The following ZBTB44 variants were observed in gnomAD, a reference collection of about 807,000 sequenced individuals.
ZBTB44 encodes the protein zinc finger and BTB domain-containing protein 44.
ZBTB44 carries 15 observed loss-of-function variants against 54.0 expected under a neutral mutation model. The observed-to-expected ratio is 0.28, with a 90% CI of 0.19 to 0.43. ZBTB44 has a LOEUF of 0.43. Among genes scored for constraint, ZBTB44 ranks in the 20% least tolerant of loss-of-function variants. ZBTB44 has a pLI of 1.00. For synonymous variants in ZBTB44, 230 were observed against 250.1 expected, an observed-to-expected ratio of 0.92 and a Z score of 0.76; for missense variants, 487 against 707.1, an observed-to-expected ratio of 0.69 and a Z score of 3.53.
chr11:130,279,592 G>C (rs1420202062), intron 1 of ZBTB44, among the ~76,000 whole-genome samples: 1 of 152,178 alleles, frequency 6.6e-6, no homozygotes, highest in Non-Finnish European at 1.5e-5. Flanking sequence ...CCAGGAGGTG[G>C]AGGTTGCAGT....
At chr11:130,302,787 A>C (rs1396221935) in intron 1 of ZBTB44, among the ~76,000 whole-genome samples, 1 of 152,218 alleles carries the variant, frequency 6.6e-6, no homozygotes, top group African/African-American at 2.4e-5. Flanking sequence ...AGCCTGCCTG[A>C]CATGGTGAAA....
intron 2 of ZBTB44, among the ~76,000 whole-genome samples, chr11:130,244,667 G>GAAAAAAAAAAA (rs11360161): frequency 1.9e-5 from 2 of 104,794 alleles, no homozygotes; most frequent in South Asian, 6.1e-4. Flanking sequence ...ACTCTGTCTG[G>GAAAAAAAAAAA]AAAAAAAAAA....
At chr11:130,295,630 TAAA>T in intron 1 of ZBTB44, 2 of 769,294 alleles carry the variant, frequency 2.6e-6, no homozygotes, top group Middle Eastern at 4.1e-4. Flanking sequence ...ACTCTGAAGT[TAAA>T]AAAAAAAATG....
intron 1 of ZBTB44, chr11:130,297,032 C>T (rs1941694233): frequency 7.3e-6 from 5 of 685,038 alleles, no homozygotes; most frequent in Non-Finnish European, 1.3e-5. Flanking sequence ...AGAAATCATC[C>T]GATAGCAGGC....
intron 2 of ZBTB44, among the ~76,000 whole-genome samples, chr11:130,243,735 C>A (rs1265991199): frequency 6.6e-6 from 1 of 152,180 alleles, no homozygotes; most frequent in Non-Finnish European, 1.5e-5. Context: ...TATCTTCAAC[C>A]TTATTAGAAA....
chr11:130,265,186 G>A (rs1939160973), intron 1 of ZBTB44, among the ~76,000 whole-genome samples: 1 of 151,904 alleles, frequency 6.6e-6, no homozygotes, highest in Admixed American at 6.6e-5. Context: ...CCCTACGATG[G>A]CCTCTAAATG....
rs1415518180 is a variant in ZBTB44 at position 130,227,999 on chromosome 11, A to C, written c.*3765T>G. The C allele has an allele frequency of 2.0e-5, 3 of 152,188 alleles. No homozygotes were observed. Among genetic ancestry groups the C allele is most frequent in the Non-Finnish European group, 1.5e-5 (1 of 68,032 alleles). The allele number at this position is 152,188 out of a possible 1,614,324, so 9.4% of individuals were successfully genotyped here. ...AGTTCTTTCACAAATATATATATTT[A>C]AATATTAAAATAGGCTACCTAGGAT... On this transcript the variant is annotated 3_prime_UTR_variant, in exon 8 of 8. Transcript: ENST00000357899.
intron 1 of ZBTB44, among the ~76,000 whole-genome samples, chr11:130,280,921 A>G (rs1940453707): frequency 6.6e-6 from 1 of 152,174 alleles, no homozygotes; most frequent in African/African-American, 2.4e-5. Context: ...TGGGAATAGA[A>G]CTTGAGGGAA....
intron 7 of ZBTB44, chr11:130,232,422 C>T (rs917978017): frequency 1.3e-5 from 2 of 152,114 alleles, no homozygotes; most frequent in Admixed American, 6.5e-5. Context: ...GAAAAGTATA[C>T]CCAAGTCTAG....
intron 2 of ZBTB44, among the ~76,000 whole-genome samples, chr11:130,253,456 ACTC>A (rs1363041583): frequency 1.3e-5 from 2 of 152,140 alleles, no homozygotes; most frequent in East Asian, 3.9e-4. Flanking sequence ...TCATGAGTGA[ACTC>A]CTGTTCACAA....
Position 130,314,896 on chromosome 11 carries a change from C to A in ZBTB44, c.-578G>T, listed in dbSNP as rs528604673. 1 of 149,020 alleles carries A rather than the reference C, an allele frequency of 6.7e-6. No homozygotes were observed. The allele number at this position is 149,020 out of a possible 1,614,324, so 9.2% of individuals were successfully genotyped here. ...CCGCTCACTCCAGCCTGTTTGGGGGCACTTTGTTTGTGTCCCACAATGCTC... is the reference window on the plus strand; with the variant it reads ...CCGCTCACTCCAGCCTGTTTGGGGGAACTTTGTTTGTGTCCCACAATGCTC... On this transcript the variant is annotated 5_prime_UTR_variant, in exon 1 of 8. Transcript: ENST00000357899.
intron 3 of ZBTB44, chr11:130,238,870 T>C (rs1201429332): frequency 1.1e-5 from 3 of 261,040 alleles, no homozygotes; most frequent in African/African-American, 2.2e-5. Flanking sequence ...TAGCAAGGCC[T>C]ATAGATTTTA....
At position 130,227,684 on chromosome 11, in the gene ZBTB44, A is replaced by G. The variant is rs1280045591; in HGVS notation, c.*4080T>C. On this transcript the variant is annotated 3_prime_UTR_variant, in exon 8 of 8. Coordinates refer to ENST00000357899, the MANE Select transcript of ZBTB44 (RefSeq NM_001301098.2). ...AGTACTCCAGTTTTTAAATGGAGCC[A>G]GCTTTATGTTAGCCCTGTAAAATAT... 1.3e-5 allele frequency: 2 copies of G among 152,234 alleles called. No individual in the cohort carries two copies. Among genetic ancestry groups the G allele is most frequent in the Non-Finnish European group, 2.9e-5 (2 of 68,046 alleles). 9.4% of individuals were successfully genotyped at this position (152,234 alleles called of 1,614,324 possible).
chr11:130,240,309 G>C (rs1453270217), intron 2 of ZBTB44, among the ~76,000 whole-genome samples: 2 of 151,866 alleles, frequency 1.3e-5, no homozygotes, highest in Non-Finnish European at 2.9e-5. Flanking sequence ...CAAAGTGCTG[G>C]GATTACAGGC....
chr11:130,272,446 T>C (rs1258653678), intron 1 of ZBTB44, among the ~76,000 whole-genome samples: 1 of 152,224 alleles, frequency 6.6e-6, no homozygotes, highest in Non-Finnish European at 1.5e-5. Context: ...GCCCATTGGG[T>C]TGTCTTTTTG....
chr11:130,259,124 A>G (rs562045582), intron 2 of ZBTB44, among the ~76,000 whole-genome samples: 2 of 152,336 alleles, frequency 1.3e-5, no homozygotes, highest in African/African-American at 4.8e-5. Flanking sequence ...GGAAGAATCA[A>G]TATCGTGAAA....
intron 1 of ZBTB44, among the ~76,000 whole-genome samples, chr11:130,312,779 T>C (rs890490262): frequency 6.6e-6 from 1 of 152,214 alleles, no homozygotes; most frequent in African/African-American, 2.4e-5. Flanking sequence ...CAAAGACACT[T>C]TGGAACAACT....
At chr11:130,296,370 T>C in intron 1 of ZBTB44, 1 of 1,532,448 alleles carries the variant, frequency 6.5e-7, no homozygotes, top group South Asian at 1.3e-5. Context: ...GAAATACCAC[T>C]ATGAGTTGCT....
At chr11:130,302,242 G>A (rs1205589843) in intron 1 of ZBTB44, among the ~76,000 whole-genome samples, 1 of 152,066 alleles carries the variant, frequency 6.6e-6, no homozygotes, top group Non-Finnish European at 1.5e-5. Context: ...GACAAGTTAA[G>A]GAACTAGCCA....
Sources: gnomAD v4.1 joint callset for allele counts (sites outside exome capture counted in the v4.1 genomes callset) on GRCh38, gnomAD v4.1.1 for gene constraint, MANE v1.5 for transcripts, NCBI Gene and HGNC (gene_info 2026-07-23, HGNC 2026-07-21) for gene names.